Variants in B3GALT1 observed in about 807,000 individuals in gnomAD.
The protein encoded by B3GALT1 is beta-1,3-galactosyltransferase 1.
In B3GALT1, 10 loss-of-function variants were observed where a neutral mutation model predicts 23.2. The observed-to-expected ratio is 0.43, with a 90% CI of 0.27 to 0.73. The LOEUF is 0.73. Among genes scored for constraint, B3GALT1 ranks in the 30% least tolerant of loss-of-function variants. B3GALT1 has a pLI of 0.21. For synonymous variants in B3GALT1, 156 were observed against 141.5 expected, an observed-to-expected ratio of 1.10 and a Z score of -0.73; for missense variants, 299 against 405.4, an observed-to-expected ratio of 0.74 and a Z score of 2.25.
chr2:167,756,025 C>G (rs1423597413), intron 3 of B3GALT1, among the ~76,000 whole-genome samples: 1 of 152,026 alleles, frequency 6.6e-6, no homozygotes, highest in Non-Finnish European at 1.5e-5. Context: ...AAATGAATCT[C>G]TAACTGTTGA....
Position 167,540,021 on chromosome 2 carries a change from A to C in B3GALT1, c.-410+49744A>C, listed in dbSNP as rs1683510218. 3.3e-5 allele frequency among the ~76,000 whole-genome samples: 5 copies of C among 152,324 alleles called. No homozygotes were observed. The South Asian group carries it at 1.0e-3, about 32-fold the overall frequency. ...ATTAGGAACAGGTAGAATCTATTAA[A>C]ATGAATCAATTTAAAGTAATTACCA... is the stretch of plus-strand genomic sequence containing the variant. On this transcript the variant is annotated intron_variant, in intron 2 of 4. Coordinates refer to ENST00000392690, the MANE Select transcript of B3GALT1 (RefSeq NM_020981.4).
chr2:167,519,879 C>G (rs1386936140), intron 2 of B3GALT1, among the ~76,000 whole-genome samples: 1 of 151,900 alleles, frequency 6.6e-6, no homozygotes, highest in Non-Finnish European at 1.5e-5. Context: ...TGAGACCAGC[C>G]TGGCCAACAT....
At chr2:167,602,494 C>T (rs983187805) in intron 2 of B3GALT1, among the ~76,000 whole-genome samples, 3 of 152,108 alleles carry the variant, frequency 2.0e-5, no homozygotes, top group Non-Finnish European at 4.4e-5. Flanking sequence ...GGATTCTTTG[C>T]AATTTATGGT....
chr2:167,521,884 A>G (rs1700191870), intron 2 of B3GALT1, among the ~76,000 whole-genome samples: 1 of 150,916 alleles, frequency 6.6e-6, no homozygotes, highest in Non-Finnish European at 1.5e-5. Flanking sequence ...AAAATCATAC[A>G]TATATTATTT....
intron 1 of B3GALT1, among the ~76,000 whole-genome samples, chr2:167,476,025 G>C (rs1189572167): frequency 1.3e-5 from 2 of 151,952 alleles, no homozygotes; most frequent in African/African-American, 2.4e-5. Context: ...TGGATTAGGG[G>C]CCCACCCTAC....
At chr2:167,670,834 C>T (rs1686313032) in intron 3 of B3GALT1, among the ~76,000 whole-genome samples, 1 of 151,970 alleles carries the variant, frequency 6.6e-6, no homozygotes, top group East Asian at 1.9e-4. Flanking sequence ...AAAGACAAGT[C>T]ACTATTCAAT....
At chr2:167,466,559 G>A (rs1213073836) in intron 1 of B3GALT1, among the ~76,000 whole-genome samples, 3 of 140,494 alleles carry the variant, frequency 2.1e-5, no homozygotes, top group Admixed American at 7.4e-5. Context: ...GGAGGAGGTA[G>A]CAGTGAGCTA....
At chr2:167,647,236 A>T (rs79554868) in intron 3 of B3GALT1, among the ~76,000 whole-genome samples, 3 of 152,150 alleles carry the variant, frequency 2.0e-5, no homozygotes, top group Non-Finnish European at 4.4e-5. Context: ...TGTATGCACA[A>T]ATTTTCCTGA....
chr2:167,329,114 CA>C (rs1250337369), intron 1 of B3GALT1, among the ~76,000 whole-genome samples: 1 of 152,142 alleles, frequency 6.6e-6, no homozygotes, highest in East Asian at 1.9e-4. Context: ...CGCCTGGTCA[CA>C]GTCTTTATAC....
chr2:167,411,895 AT>A (rs1698397370), intron 1 of B3GALT1, among the ~76,000 whole-genome samples: 2 of 152,174 alleles, frequency 1.3e-5, no homozygotes, highest in Admixed American at 1.3e-4. Flanking sequence ...AAATACTGTC[AT>A]TTGCAGCAAC....
At chr2:167,762,503 C>G (rs1490605837) in intron 3 of B3GALT1, among the ~76,000 whole-genome samples, 1 of 151,252 alleles carries the variant, frequency 6.6e-6, no homozygotes, top group East Asian at 1.9e-4. Context: ...CAAACAGATA[C>G]CTTAGGAGTC....
At chr2:167,543,748 C>A (rs1238247814) in intron 2 of B3GALT1, among the ~76,000 whole-genome samples, 2 of 152,202 alleles carry the variant, frequency 1.3e-5, no homozygotes, top group Non-Finnish European at 2.9e-5. Flanking sequence ...CATCTTGGTG[C>A]AGCCTCTGAC....
At chr2:167,866,993 C>G (rs1417916000) in intron 4 of B3GALT1, among the ~76,000 whole-genome samples, 1 of 152,062 alleles carries the variant, frequency 6.6e-6, no homozygotes, top group Non-Finnish European at 1.5e-5. Context: ...GTGGCGCAAT[C>G]TCAGCTCACT....
At chr2:167,855,461 T>A (rs1689984161) in intron 4 of B3GALT1, among the ~76,000 whole-genome samples, 1 of 152,180 alleles carries the variant, frequency 6.6e-6, no homozygotes, top group South Asian at 2.1e-4. Context: ...TTAGTGAGAT[T>A]GTATACATTA....
At chr2:167,860,633 A>G (rs1690079853) in intron 4 of B3GALT1, among the ~76,000 whole-genome samples, 1 of 152,170 alleles carries the variant, frequency 6.6e-6, no homozygotes. Context: ...GAGATAGTAT[A>G]AGATGTAGTA....
chr2:167,692,869 G>A (rs2105502799), intron 3 of B3GALT1, among the ~76,000 whole-genome samples: 1 of 152,144 alleles, frequency 6.6e-6, no homozygotes, highest in South Asian at 2.1e-4. Context: ...TTCATGGCCT[G>A]TGGATAATCT....
intron 1 of B3GALT1, among the ~76,000 whole-genome samples, chr2:167,484,545 G>A (rs372725695): frequency 6.6e-5 from 10 of 152,192 alleles, no homozygotes; most frequent in African/African-American, 2.2e-4. Context: ...GGTCGTAGGT[G>A]GATTTGAAGA....
intron 1 of B3GALT1, among the ~76,000 whole-genome samples, chr2:167,475,319 A>G (rs1699472284): frequency 6.6e-6 from 1 of 152,110 alleles, no homozygotes; most frequent in South Asian, 2.1e-4. Flanking sequence ...TTCCACTCTC[A>G]AGGTATCACT....
chr2:167,571,515 A>G (rs1574145924), intron 2 of B3GALT1, among the ~76,000 whole-genome samples: 2 of 151,966 alleles, frequency 1.3e-5, no homozygotes, highest in South Asian at 2.1e-4. Context: ...TTACTTGGAA[A>G]AAAGAGAAAC....
Sources: gnomAD v4.1 joint callset for allele counts (sites outside exome capture counted in the v4.1 genomes callset) on GRCh38, gnomAD v4.1.1 for gene constraint, MANE v1.5 for transcripts, NCBI Gene and HGNC (gene_info 2026-07-23, HGNC 2026-07-21) for gene names.